Variants in JAKMIP2 observed in about 807,000 individuals in gnomAD.
The protein encoded by JAKMIP2 is janus kinase and microtubule interacting protein 2.
JAKMIP2 carries 25 observed loss-of-function variants against 115.0 expected under a neutral mutation model. The ratio of observed to expected loss-of-function variants is 0.22; its 90% confidence interval spans 0.16 to 0.30. The LOEUF (loss-of-function observed/expected upper bound fraction) is 0.30. JAKMIP2 is among the 10% of genes least tolerant of loss of function. JAKMIP2 has a pLI of 1.00. For synonymous variants in JAKMIP2, 334 were observed against 343.6 expected (o/e 0.97, Z 0.31); for missense variants, 642 against 957.6 (o/e 0.67, Z 4.35).
At chr5:147,725,294 A>G (rs1753474083) in intron 1 of JAKMIP2, among the ~76,000 whole-genome samples, 1 of 152,138 alleles carries the variant, frequency 6.6e-6, no homozygotes, top group Non-Finnish European at 1.5e-5. Context: ...GCATGTAATT[A>G]TTAAAGAAGT....
At chr5:147,667,013 A>G (rs1470164193) in intron 2 of JAKMIP2, among the ~76,000 whole-genome samples, 1 of 152,190 alleles carries the variant, frequency 6.6e-6, no homozygotes, top group Non-Finnish European at 1.5e-5. Context: ...GACTAACATT[A>G]CTATATTACA....
rs1758942965 is a variant in JAKMIP2 at position 147,661,119 on chromosome 5, G to C, written c.456C>G (p.Leu152=). The C allele has an allele frequency of 4.3e-6, 7 of 1,613,896 alleles. No homozygotes were observed. Among genetic ancestry groups the C allele is most frequent in the African/African-American group, 1.3e-5 (1 of 74,874 alleles). Residue 152 remains leucine, a synonymous_variant, in exon 3 of 22, where the codon CTC becomes CTG. Transcript: ENST00000616793. ...TTTTCAGGTCCGCAATTTCCTGTAA[G>C]AGCTTAAGGCGCTCTGTGTCAAACA... is the stretch of plus-strand genomic sequence containing the variant. ...RKLFDTERLK[L]LQEIADLKTA...
chr5:147,726,138 A>T (rs984893911), intron 1 of JAKMIP2, among the ~76,000 whole-genome samples: 5 of 152,134 alleles, frequency 3.3e-5, no homozygotes, highest in Non-Finnish European at 7.4e-5. Flanking sequence ...TCTTGCCCAG[A>T]CACCACATGC....
intron 3 of JAKMIP2, among the ~76,000 whole-genome samples, chr5:147,650,843 T>A (rs1758362149): frequency 6.6e-6 from 1 of 152,206 alleles, no homozygotes; most frequent in South Asian, 2.1e-4. Context: ...CAAAGGACAG[T>A]CTAACTTTAA....
intron 3 of JAKMIP2, chr5:147,660,333 G>GGGATGACATCCAATTTAAATT: frequency 3.1e-6 from 1 of 318,184 alleles, no homozygotes; most frequent in African/African-American, 2.1e-5. Context: ...AACCTACTTA[G>GGGATGACATCCAATTTAAATT]GGATGACATC....
At chr5:147,635,581 G>C (rs1757576332) in intron 12 of JAKMIP2, among the ~76,000 whole-genome samples, 1 of 152,146 alleles carries the variant, frequency 6.6e-6, no homozygotes, top group Admixed American at 6.5e-5. Context: ...GTTTTTTGGA[G>C]ATGGGGTTTT....
At chr5:147,711,744 T>G (rs1752790335) in intron 1 of JAKMIP2, among the ~76,000 whole-genome samples, 1 of 152,192 alleles carries the variant, frequency 6.6e-6, no homozygotes, top group African/African-American at 2.4e-5. Flanking sequence ...CTTGGCTCAC[T>G]GCAACCTCCA....
chr5:147,653,711 T>A (rs1758527269), intron 3 of JAKMIP2, among the ~76,000 whole-genome samples: 1 of 152,206 alleles, frequency 6.6e-6, no homozygotes, highest in South Asian at 2.1e-4. Flanking sequence ...GCCCTTTAGT[T>A]TAATTGGATC....
chr5:147,661,595 C>A (rs573989036), intron 2 of JAKMIP2, 150 bp from the exon 3 acceptor site: 53 of 717,838 alleles, frequency 7.4e-5, no homozygotes, highest in Non-Finnish European at 1.1e-4. Flanking sequence ...GAACTACAGG[C>A]CTTGAAGCTG....
chr5:147,685,532 C>T (rs192170697), intron 1 of JAKMIP2, among the ~76,000 whole-genome samples: 16 of 152,234 alleles, frequency 1.1e-4, no homozygotes, highest in Admixed American at 3.9e-4. Context: ...AGCCTTACTC[C>T]GGAGCCTATA....
At chr5:147,672,250 C>G (rs1169604389) in intron 1 of JAKMIP2, among the ~76,000 whole-genome samples, 1 of 152,194 alleles carries the variant, frequency 6.6e-6, no homozygotes, top group Non-Finnish European at 1.5e-5. Context: ...CTATCCTCAT[C>G]TCCTCCATGT....
At chr5:147,662,785 G>A (rs1759086817) in intron 2 of JAKMIP2, among the ~76,000 whole-genome samples, 1 of 152,150 alleles carries the variant, frequency 6.6e-6, no homozygotes, top group South Asian at 2.1e-4. Flanking sequence ...AGGAGATCGA[G>A]ACTAGCCTGG....
chr5:147,714,870 C>A (rs932124498), intron 1 of JAKMIP2, among the ~76,000 whole-genome samples: 7 of 151,986 alleles, frequency 4.6e-5, no homozygotes, highest in Middle Eastern at 3.4e-3. Context: ...GTTTTAGATG[C>A]ACACTGAAGA....
chr5:147,701,627 G>A (rs1430254465), intron 1 of JAKMIP2, among the ~76,000 whole-genome samples: 2 of 152,164 alleles, frequency 1.3e-5, no homozygotes, highest in Middle Eastern at 3.2e-3. Flanking sequence ...AGGATGACTT[G>A]TGGCTCCATG....
chr5:147,693,148 G>A (rs1302619147), intron 1 of JAKMIP2, among the ~76,000 whole-genome samples: 1 of 152,132 alleles, frequency 6.6e-6, no homozygotes, highest in Non-Finnish European at 1.5e-5. Context: ...CTGGAAGAAT[G>A]ATGTTGCTTT....
intron 1 of JAKMIP2, among the ~76,000 whole-genome samples, chr5:147,777,008 T>C (rs1050552582): frequency 1.3e-5 from 2 of 152,138 alleles, no homozygotes; most frequent in Non-Finnish European, 2.9e-5. Context: ...AAAACTAACA[T>C]GAATCTGAAA....
At chr5:147,769,991 C>G (rs1056369883) in intron 1 of JAKMIP2, among the ~76,000 whole-genome samples, 2 of 152,152 alleles carry the variant, frequency 1.3e-5, no homozygotes, top group Admixed American at 6.5e-5. Flanking sequence ...AAAAATTTCT[C>G]ATAAACTTAC....
intron 1 of JAKMIP2, among the ~76,000 whole-genome samples, chr5:147,686,209 G>A (rs1760562135): frequency 1.3e-5 from 2 of 152,130 alleles, no homozygotes; most frequent in Non-Finnish European, 2.9e-5. Context: ...TGCAAAACCT[G>A]ACTTAATTGG....
At chr5:147,695,650 C>CTGTGTGTG (rs572202242) in intron 1 of JAKMIP2, among the ~76,000 whole-genome samples, 12,236 of 142,880 alleles carry the variant, frequency 0.086, 557 homozygotes, top group Middle Eastern at 0.16. Context: ...AGTGAAAGGT[C>CTGTGTGTG]TGTGTGTGTG....
Sources: allele counts gnomAD v4.1 joint callset (sites outside exome capture counted in the v4.1 genomes callset), GRCh38; gene constraint gnomAD v4.1.1; transcripts MANE v1.5; gene names NCBI Gene and HGNC (gene_info 2026-07-23, HGNC 2026-07-21).